Variants in LRRC7 observed in about 807,000 individuals in gnomAD.
LRRC7 encodes leucine-rich repeat-containing protein 7.
LRRC7 carries 23 observed loss-of-function variants against 175.7 expected under a neutral mutation model. The ratio of observed to expected loss-of-function variants is 0.13; its 90% CI spans 0.09 to 0.19. The LOEUF is 0.19. Among genes scored for constraint, LRRC7 ranks in the 10% least tolerant of loss-of-function variants. LRRC7 has a pLI of 1.00. For missense variants in LRRC7, 1,354 were observed against 1,904.7 expected (o/e 0.71, Z 5.38); for synonymous variants, 685 against 680.9 (o/e 1.01, Z -0.09).
chr1:70,084,764 C>T (rs183730816), intron 24 of LRRC7, among the ~76,000 whole-genome samples: 28 of 152,218 alleles, frequency 1.8e-4, no homozygotes, highest in African/African-American at 2.2e-4. Flanking sequence ...ATATTAATTC[C>T]GAACAGCAAT....
intron 2 of LRRC7, among the ~76,000 whole-genome samples, chr1:69,703,241 A>G (rs1318637929): frequency 1.3e-5 from 2 of 152,036 alleles, no homozygotes; most frequent in African/African-American, 4.8e-5. Flanking sequence ...CTCTCCTGGG[A>G]TCATTTTCTT....
At chr1:69,927,306 G>T (rs931995249) in intron 7 of LRRC7, among the ~76,000 whole-genome samples, 2 of 152,158 alleles carry the variant, frequency 1.3e-5, no homozygotes, top group East Asian at 1.9e-4. Flanking sequence ...TCTTCTTGGG[G>T]AGTATCTTTG....
intron 11 of LRRC7, among the ~76,000 whole-genome samples, chr1:70,006,751 T>C (rs1656030133): frequency 6.6e-6 from 1 of 152,162 alleles, no homozygotes; most frequent in South Asian, 2.1e-4. Context: ...CCTCCTGTAC[T>C]TCTGGCTGAC....
chr1:69,682,050 G>T (rs1570333055), intron 2 of LRRC7, among the ~76,000 whole-genome samples: 2 of 152,184 alleles, frequency 1.3e-5, no homozygotes, highest in Non-Finnish European at 2.9e-5. Flanking sequence ...TAGGCTATTG[G>T]CAGAATTTGT....
intron 8 of LRRC7, among the ~76,000 whole-genome samples, chr1:69,937,971 A>C (rs1250080398): frequency 6.6e-6 from 1 of 151,868 alleles, no homozygotes; most frequent in Non-Finnish European, 1.5e-5. Flanking sequence ...TTAACTACTT[A>C]ATGTACTCAT....
rs998702997 is a variant in LRRC7, at chr1:70,132,832, G to A, written c.*10945G>A. On this transcript the variant is annotated 3_prime_UTR_variant, in exon 27 of 27. Transcript: ENST00000651989. ...TGGCTACAGGTAAAAGCTCTGTGGA[G>A]AAAGGAGCAAAATTATTGTCCTATC... is the stretch of plus-strand genomic sequence containing the variant. 2.6e-5 allele frequency among the ~76,000 whole-genome samples: 4 copies of A among 152,060 alleles called. No individual in the cohort carries two copies. Among genetic ancestry groups the A allele is most frequent in the African/African-American group, 9.7e-5 (4 of 41,402 alleles).
chr1:69,920,655 C>T (rs182023696), intron 7 of LRRC7, among the ~76,000 whole-genome samples: 3 of 152,252 alleles, frequency 2.0e-5, no homozygotes, highest in East Asian at 3.9e-4. Flanking sequence ...GTGAGAACTA[C>T]GGAATTCATA....
At chr1:69,667,381 T>C (rs1448645981) in intron 1 of LRRC7, among the ~76,000 whole-genome samples, 1 of 152,200 alleles carries the variant, frequency 6.6e-6, no homozygotes, top group Non-Finnish European at 1.5e-5. Flanking sequence ...CTGGAAGATC[T>C]GTCTAATGCT....
intron 1 of LRRC7, among the ~76,000 whole-genome samples, chr1:69,655,517 T>A (rs936834025): frequency 3.3e-5 from 5 of 152,066 alleles, no homozygotes; most frequent in African/African-American, 4.8e-5. Flanking sequence ...TTCTTTTTCC[T>A]TTTAAAGAGC....
At chr1:69,597,665 A>G (rs1646896938) in intron 1 of LRRC7, among the ~76,000 whole-genome samples, 1 of 152,140 alleles carries the variant, frequency 6.6e-6, no homozygotes. Context: ...TGACTCAAAA[A>G]ATTTATTGAT....
At chr1:69,938,124 CAA>C (rs1267951493) in intron 8 of LRRC7, among the ~76,000 whole-genome samples, 2 of 151,726 alleles carry the variant, frequency 1.3e-5, no homozygotes, top group African/African-American at 4.8e-5. Context: ...AAAAAGAAAA[CAA>C]TATTTAATTT....
chr1:69,900,067 T>TC (rs1278672328), intron 7 of LRRC7, among the ~76,000 whole-genome samples: 1 of 152,238 alleles, frequency 6.6e-6, no homozygotes, highest in Admixed American at 6.5e-5. Flanking sequence ...TATTATTTTG[T>TC]CTTTTTCCAA....
intron 4 of LRRC7, among the ~76,000 whole-genome samples, chr1:69,812,243 C>G (rs1677979889): frequency 6.6e-6 from 1 of 152,094 alleles, no homozygotes. Context: ...GTAGCTAAAA[C>G]TTATATCCCA....
At chr1:70,094,088 GC>G (rs1180253517) in intron 25 of LRRC7, among the ~76,000 whole-genome samples, 5 of 152,162 alleles carry the variant, frequency 3.3e-5, no homozygotes, top group Admixed American at 3.3e-4. Flanking sequence ...AAGACTTATA[GC>G]CCTTTCCCTA....
intron 15 of LRRC7, 66 bp from the exon 16 acceptor site, chr1:70,020,939 T>C (rs534582372): frequency 2.7e-5 from 37 of 1,351,538 alleles, no homozygotes; most frequent in Non-Finnish European, 3.4e-5. Flanking sequence ...TTTTGCATAC[T>C]ATATTAAATA....
intron 1 of LRRC7, among the ~76,000 whole-genome samples, chr1:69,678,081 G>A (rs1399645134): frequency 2.6e-5 from 4 of 152,044 alleles, no homozygotes; most frequent in African/African-American, 9.7e-5. Flanking sequence ...GGGGGCTGGT[G>A]CTTCAATATT....
intron 2 of LRRC7, among the ~76,000 whole-genome samples, chr1:69,711,776 G>A (rs1220910806): frequency 2.0e-5 from 3 of 152,090 alleles, no homozygotes; most frequent in Non-Finnish European, 2.9e-5. Flanking sequence ...CAAGGTCTTT[G>A]CCCCTGGGAA....
chr1:69,998,338 C>T (rs774757037), intron 11 of LRRC7, among the ~76,000 whole-genome samples: 154 of 152,150 alleles, frequency 1.0e-3, no homozygotes, highest in Non-Finnish European at 1.9e-3. Context: ...ATCTAGAAAG[C>T]TTCACTTTTA....
At chr1:69,650,134 T>C (rs894179709) in intron 1 of LRRC7, among the ~76,000 whole-genome samples, 7 of 152,338 alleles carry the variant, frequency 4.6e-5, no homozygotes, top group Middle Eastern at 3.4e-3. Flanking sequence ...TTTCTGGTTT[T>C]TTCTTCAAGG....
Sources: gnomAD v4.1 joint callset for allele counts (sites outside exome capture counted in the v4.1 genomes callset) on GRCh38, gnomAD v4.1.1 for gene constraint, MANE v1.5 for transcripts, NCBI Gene and HGNC (gene_info 2026-07-23, HGNC 2026-07-21) for gene names.